Variants in CYP20A1 observed in about 807,000 individuals in gnomAD.
CYP20A1 encodes the protein cytochrome P450 family 20 subfamily A member 1, also known as cytochrome P450 20A1.
CYP20A1 carries 61 observed loss-of-function variants against 61.4 expected under a neutral mutation model. That is an observed-to-expected ratio of 0.99 (90% CI 0.81 to 1.23). The LOEUF (loss-of-function observed/expected upper bound fraction) is 1.23, where lower values mean the gene tolerates loss of function less well. CYP20A1 is among the 50% of genes most tolerant of loss of function. CYP20A1 has a pLI of 0.00. For synonymous variants in CYP20A1, 193 were observed against 188.2 expected, an observed-to-expected ratio of 1.03 and a Z score of -0.21; for missense variants, 530 against 542.4, an observed-to-expected ratio of 0.98 and a Z score of 0.23.
At position 203,298,390 on chromosome 2, in the gene CYP20A1, T is replaced by C. The variant is rs1426429407; in HGVS notation, c.*1482T>C. The C allele has an allele frequency of 5.8e-6, 1 of 171,320 alleles. No individual in the cohort carries two copies. The allele number at this position is 171,320 out of a possible 1,614,324, so 10.6% of individuals were successfully genotyped here. ...GGGCAACAGAGCAAAACCCTGCCTTTAAAAAAACAAAAAACAAAAAAGGCC... is the reference window on the plus strand; with the variant it reads ...GGGCAACAGAGCAAAACCCTGCCTTCAAAAAAACAAAAAACAAAAAAGGCC... On this transcript the variant is annotated 3_prime_UTR_variant, in exon 13 of 13. Transcript: ENST00000356079.
intron 12 of CYP20A1, 24 bp from the exon 13 acceptor site, chr2:203,296,734 C>A: frequency 6.4e-7 from 1 of 1,568,786 alleles, no homozygotes; most frequent in Non-Finnish European, 8.6e-7. Flanking sequence ...TCTTTAGTAA[C>A]TAATTGACTT....
At chr2:203,271,072 ATATATATATATTTTTT>A (rs1559097595) in intron 5 of CYP20A1, among the ~76,000 whole-genome samples, 15 of 68,894 alleles carry the variant, frequency 2.2e-4, no homozygotes, top group Admixed American at 7.5e-4. Context: ...ATATATATAT[ATATATATATATTTTTT>A]TTTTTTTTTT....
chr2:203,295,314 A>T (rs1215191091), intron 11 of CYP20A1, among the ~76,000 whole-genome samples: 1 of 151,912 alleles, frequency 6.6e-6, no homozygotes, highest in Non-Finnish European at 1.5e-5. Context: ...GGCTCAAGCA[A>T]TCCTCCCACC....
At position 203,296,549 on chromosome 2, in the gene CYP20A1, G is replaced by C; in HGVS notation, c.1224G>C (p.Glu408Asp). 1.9e-6 allele frequency: 3 copies of C among 1,610,376 alleles called. No individual in the cohort carries two copies. The highest frequency in any genetic ancestry group is 1.7e-6 in the Non-Finnish European group (2 of 1,177,612). Residue 408 changes from glutamate (E) to aspartate (D), a missense_variant, in exon 12 of 13, where the codon GAG becomes GAC. Transcript: ENST00000356079. ...CACTTGGATTCTCAGGCACACAGGA[G>C]TGTCCAGAGTTGAGGTGAATAATAG... ...FSSLGFSGTQECPELRFAYMV... is the reference protein window; with the variant it reads ...FSSLGFSGTQDCPELRFAYMV...
chr2:203,240,146 G>T (rs1273616376), intron 1 of CYP20A1, among the ~76,000 whole-genome samples: 1 of 152,170 alleles, frequency 6.6e-6, no homozygotes, highest in Non-Finnish European at 1.5e-5. Flanking sequence ...AAGCAAGGTG[G>T]TGGTTTTACA....
At chr2:203,240,712 A>G (rs1396965830) in intron 1 of CYP20A1, among the ~76,000 whole-genome samples, 2 of 152,194 alleles carry the variant, frequency 1.3e-5, no homozygotes, top group Non-Finnish European at 2.9e-5. Flanking sequence ...GTTCCTGGAA[A>G]GCAAGGGGAC....
At position 203,280,100 on chromosome 2, in the gene CYP20A1, A is replaced by C; in HGVS notation, c.837A>C (p.Ile279=). ...TGATATTTTCTCTGGCCAGTTGCAT[A>C]ATAACTGCAAAATGTAAGTATAAAT... ...DSMIFSLASC[I]ITAKLCTWAI... The change falls in exon 8 of 13, where the codon ATA becomes ATC. Residue 279 remains isoleucine (I), a synonymous_variant. Transcript: ENST00000356079. The C allele has an allele frequency of 6.2e-7, 1 of 1,606,120 alleles. No homozygotes were observed. Among genetic ancestry groups the C allele is most frequent in the South Asian group, 1.1e-5 (1 of 89,598 alleles).
At chr2:203,240,572 A>G (rs1211698082) in intron 1 of CYP20A1, among the ~76,000 whole-genome samples, 1 of 152,180 alleles carries the variant, frequency 6.6e-6, no homozygotes, top group African/African-American at 2.4e-5. Context: ...TTAAAGTAGG[A>G]TGGCCAGGAG....
At chr2:203,285,554 C>T in intron 8 of CYP20A1, 58 bp from the exon 9 acceptor site, 1 of 1,444,718 alleles carries the variant, frequency 6.9e-7, no homozygotes, top group Non-Finnish European at 9.1e-7. Flanking sequence ...TTTTCTTATT[C>T]TATACCCAAG....
intron 4 of CYP20A1, chr2:203,259,561 A>T (rs1402616423): frequency 6.6e-6 from 1 of 152,008 alleles, no homozygotes; most frequent in Non-Finnish European, 1.5e-5. Flanking sequence ...GAAGCCAGGT[A>T]GGCACCTGGC....
intron 4 of CYP20A1, among the ~76,000 whole-genome samples, chr2:203,264,284 G>C (rs2067245759): frequency 6.6e-6 from 1 of 152,034 alleles, no homozygotes; most frequent in Admixed American, 6.6e-5. Context: ...ACCGTGTCTA[G>C]CCTCTGTCAG....
chr2:203,287,841 A>G (rs1201404935), intron 9 of CYP20A1, among the ~76,000 whole-genome samples: 1 of 151,868 alleles, frequency 6.6e-6, no homozygotes, highest in African/African-American at 2.4e-5. Flanking sequence ...GCTCTACTCA[A>G]AGTCTTTAGT....
chr2:203,260,163 G>A (rs2067080352), intron 4 of CYP20A1, among the ~76,000 whole-genome samples: 1 of 151,960 alleles, frequency 6.6e-6, no homozygotes, highest in South Asian at 2.1e-4. Context: ...CTGACCTCAG[G>A]TGAGCCACAT....
intron 1 of CYP20A1, 22 bp downstream of exon 1, chr2:203,239,156 T>C (rs756116157): frequency 2.5e-6 from 4 of 1,605,338 alleles, no homozygotes; most frequent in Non-Finnish European, 3.4e-6. Flanking sequence ...CTTGGCTCTC[T>C]GGGGCCCCGG....
chr2:203,285,217 G>C (rs896319873), intron 8 of CYP20A1, among the ~76,000 whole-genome samples: 1 of 152,116 alleles, frequency 6.6e-6, no homozygotes, highest in African/African-American at 2.4e-5. Flanking sequence ...GTGCTCCTAA[G>C]TGAACTGATA....
chr2:203,262,881 T>C (rs995286211), intron 4 of CYP20A1, among the ~76,000 whole-genome samples: 16 of 152,120 alleles, frequency 1.1e-4, no homozygotes, highest in African/African-American at 3.6e-4. Context: ...GGTTTCACCA[T>C]GTTAGCCAGG....
At chr2:203,279,829 A>G (rs1436382899) in intron 7 of CYP20A1, among the ~76,000 whole-genome samples, 1 of 152,224 alleles carries the variant, frequency 6.6e-6, no homozygotes, top group Non-Finnish European at 1.5e-5. Flanking sequence ...CCCAAAATAC[A>G]TACAACTATA....
Position 203,269,921 on chromosome 2 carries a change from G to T in CYP20A1, c.601-2749G>T, listed in dbSNP as rs1476472006. Among the ~76,000 whole-genome samples the T allele has an allele frequency of 2.6e-5, 4 of 152,140 alleles. No homozygotes were observed. The East Asian group carries it at 7.7e-4, about 29-fold the overall frequency. ...TGGGATTACAGGCGTGAGCCACCAT[G>T]CCCATGTTGTGTAATTCTTTTATTA... On this transcript the variant is annotated intron_variant, in intron 5 of 12. Coordinates refer to ENST00000356079, the MANE Select transcript of CYP20A1 (RefSeq NM_177538.3).
Position 203,239,054 on chromosome 2 carries a change from G to T in CYP20A1, c.-9G>T, listed in dbSNP as rs777539399. On this transcript the variant is annotated 5_prime_UTR_variant, in exon 1 of 13. Coordinates refer to ENST00000356079, the MANE Select transcript of CYP20A1 (RefSeq NM_177538.3). The stretch of plus-strand genomic sequence containing the variant: ...CGATCCGAGACGTGGCTCCCTGGGC[G>T]GCAGAACCATGTTGGACTTCGCGAT... 14 of 1,613,190 alleles carry T rather than the reference G, an allele frequency of 8.7e-6. No homozygotes were observed. The Admixed American group carries it at 2.3e-4, about 27-fold the overall frequency.
Sources: allele counts gnomAD v4.1 joint callset (sites outside exome capture counted in the v4.1 genomes callset), GRCh38; gene constraint gnomAD v4.1.1; transcripts MANE v1.5; gene names NCBI Gene and HGNC (gene_info 2026-07-23, HGNC 2026-07-21).